The following RECQL variants were observed in gnomAD, a reference collection of about 807,000 sequenced individuals.
RECQL encodes the protein RecQ like helicase, also known as ATP-dependent DNA helicase Q1.
Under a neutral mutation model 75.8 loss-of-function variants are expected in RECQL, and 73 were observed. The ratio of observed to expected loss-of-function variants is 0.96; its 90% CI spans 0.80 to 1.17. The LOEUF (loss-of-function observed/expected upper bound fraction) is 1.17, where lower values mean the gene tolerates loss of function less well. RECQL is among the 50% of genes most tolerant of loss of function. The pLI is 0.00. For synonymous variants in RECQL, 248 were observed against 254.4 expected (o/e 0.97, Z 0.24); for missense variants, 699 against 772.1 (o/e 0.91, Z 1.12).
chr12:21,476,761 G>C, intron 8 of RECQL, 150 bp downstream of exon 8: 1 of 482,586 alleles, frequency 2.1e-6, no homozygotes, highest in South Asian at 4.3e-5. Context: ...AAGATCAAGT[G>C]AATTAATTTT....
chr12:21,483,333 C>T (rs1180887879), intron 6 of RECQL, 43 bp downstream of exon 6: 9 of 1,302,982 alleles, frequency 6.9e-6, no homozygotes, highest in East Asian at 2.4e-5. Context: ...AGTAAGGACA[C>T]GGTCTATGAC....
In RECQL at chr12:21,484,913, A is replaced by G. The variant is rs187006090; in HGVS notation, c.502-1339T>C. ...TTTCTGAAAACTCATAAAGAAAGGG[A>G]AAAAAAAATCAAGCATTTTCATCAT... On this transcript the variant is annotated intron_variant, in intron 5 of 14. Coordinates refer to ENST00000444129, the MANE Select transcript of RECQL (RefSeq NM_002907.4). 3.8e-3 allele frequency among the ~76,000 whole-genome samples: 575 copies of G among 151,642 alleles called. 9 individuals carry two copies. Among genetic ancestry groups the G allele is most frequent in the African/African-American group, 0.012 (506 of 41,358 alleles).
chr12:21,477,734 T>C (rs1483398301), intron 7 of RECQL, 69 bp downstream of exon 7: 2 of 1,306,208 alleles, frequency 1.5e-6, no homozygotes, highest in Non-Finnish European at 2.1e-6. Flanking sequence ...TAAATAAACA[T>C]AATAAAAAGG....
In RECQL at chr12:21,476,154, G is replaced by A. The variant is rs570972952; in HGVS notation, c.950-330C>T. Among the ~76,000 whole-genome samples, 8 of 152,122 alleles carry A rather than the reference G, an allele frequency of 5.3e-5. No individual in the cohort carries two copies. In the South Asian group the frequency reaches 1.7e-3, roughly 32 times the overall value. On this transcript the variant is annotated intron_variant, in intron 8 of 14. Coordinates refer to ENST00000444129, the MANE Select transcript of RECQL (RefSeq NM_002907.4). Reference sequence around the variant, plus strand: ...TGTGCTATGAATGCAGTGTTCTCCAGATTAATTTTGGGTTAATTTAGATTA... The same window carrying A: ...TGTGCTATGAATGCAGTGTTCTCCAAATTAATTTTGGGTTAATTTAGATTA...
rs2137374659 is a variant in RECQL, at chr12:21,483,528, T to G, written c.548A>C (p.Glu183Ala). Reference protein sequence around the residue: ...VHAEMVNKNSELKLIYVTPEK... With the variant: ...VHAEMVNKNSALKLIYVTPEK... ...TGGAGTCACATAAATCAGCTTTAAC[T>G]CGGAGTTTTTATTTACCATTTCAGC... The change falls in exon 6 of 15, where the codon GAG becomes GCG. Residue 183 changes from glutamate to alanine, a missense_variant. By Grantham distance (107) the Glu-to-Ala change is moderately radical. Coordinates refer to ENST00000444129, the MANE Select transcript of RECQL (RefSeq NM_002907.4). 14 of 1,580,704 alleles carry G rather than the reference T, an allele frequency of 8.9e-6. No homozygotes were observed. The highest frequency in any genetic ancestry group is 1.2e-5 in the Non-Finnish European group (14 of 1,171,024).
chr12:21,480,279 T>C (rs558972887), intron 6 of RECQL, among the ~76,000 whole-genome samples: 3 of 152,162 alleles, frequency 2.0e-5, no homozygotes, highest in African/African-American at 7.2e-5. Context: ...TGATTTGATG[T>C]GTATTTAGAA....
rs568168962 is a variant in RECQL, at chr12:21,474,778, C to T, written c.1355+63G>A. On this transcript the variant is annotated intron_variant, in intron 11 of 14. Coordinates refer to ENST00000444129, the MANE Select transcript of RECQL (RefSeq NM_002907.4). Reference sequence around the variant, plus strand: ...AATGTATTTAGTAAGAACTTAAAAACGATGTCATATACTTTCATATTTGCT... The same window carrying T: ...AATGTATTTAGTAAGAACTTAAAAATGATGTCATATACTTTCATATTTGCT... 875 of 1,499,844 alleles carry T rather than the reference C, an allele frequency of 5.8e-4. 4 individuals are homozygous for T. Among genetic ancestry groups the T allele is most frequent in the South Asian group, 4.6e-3 (397 of 86,958 alleles). 92.9% of individuals were successfully genotyped at this position (1,499,844 alleles called of 1,614,324 possible). A position where few individuals can be genotyped will look rare whatever the true frequency, so the allele number is the denominator to read the frequency against.
At chr12:21,484,448 A>G (rs1186876611) in intron 5 of RECQL, among the ~76,000 whole-genome samples, 1 of 152,210 alleles carries the variant, frequency 6.6e-6, no homozygotes, top group Non-Finnish European at 1.5e-5. Context: ...TTAAGAAAGT[A>G]CATTATTAGA....
At chr12:21,480,258 G>A (rs990756410) in intron 6 of RECQL, among the ~76,000 whole-genome samples, 3 of 152,152 alleles carry the variant, frequency 2.0e-5, no homozygotes, top group African/African-American at 7.2e-5. Flanking sequence ...AGTTTAGGTA[G>A]GGAAGTAACA....
At chr12:21,487,845 A>G (rs2137394904) in intron 4 of RECQL, among the ~76,000 whole-genome samples, 1 of 151,964 alleles carries the variant, frequency 6.6e-6, no homozygotes, top group East Asian at 1.9e-4. Flanking sequence ...GGTGCCATCT[A>G]TGAGAAACAC....
At position 21,495,678 on chromosome 12, in the gene RECQL, A is replaced by G. The variant is rs572170188; in HGVS notation, c.16+3877T>C. Among the ~76,000 whole-genome samples, 10 of 152,348 alleles carry G rather than the reference A, an allele frequency of 6.6e-5. No homozygotes were observed. The East Asian group carries it at 1.9e-3, about 29-fold the overall frequency. ...AACTGATGCTAATTCTTAGAAAACC[A>G]AAATGCCATGGTGATCCACCAGTCA... On this transcript the variant is annotated intron_variant, in intron 2 of 14. Coordinates refer to ENST00000444129, the MANE Select transcript of RECQL (RefSeq NM_002907.4).
intron 8 of RECQL, 108 bp downstream of exon 8, chr12:21,476,803 A>G: frequency 1.8e-6 from 1 of 553,746 alleles, no homozygotes; most frequent in Non-Finnish European, 3.0e-6. Context: ...TCTGCTATAC[A>G]TTAATTTTTT....
intron 6 of RECQL, among the ~76,000 whole-genome samples, chr12:21,479,360 T>A (rs1943148987): frequency 6.6e-6 from 1 of 150,380 alleles, no homozygotes. Context: ...ATTTTTTTTT[T>A]TTTTTTTTTT....
chr12:21,499,779 A>C (rs374742441), intron 1 of RECQL, among the ~76,000 whole-genome samples, 164 bp from the exon 2 acceptor site: 5 of 152,204 alleles, frequency 3.3e-5, no homozygotes, highest in East Asian at 1.9e-4. Flanking sequence ...TTTTGACACT[A>C]ATTTTTTATG....
chr12:21,477,048 G>T, intron 7 of RECQL, 56 bp from the exon 8 acceptor site: 1 of 1,238,344 alleles, frequency 8.1e-7, no homozygotes, highest in Non-Finnish European at 1.1e-6. Flanking sequence ...CCAAGTGGCT[G>T]TCTATGTACA....
At chr12:21,500,779 G>A (rs1223245465) in intron 1 of RECQL, among the ~76,000 whole-genome samples, 1 of 152,034 alleles carries the variant, frequency 6.6e-6, no homozygotes, top group Middle Eastern at 3.2e-3. Context: ...AAGGTAGCAG[G>A]GGCTGTTTCT....
At chr12:21,475,235 A>G (rs946134349) in intron 10 of RECQL, among the ~76,000 whole-genome samples, 1 of 152,106 alleles carries the variant, frequency 6.6e-6, no homozygotes, top group Non-Finnish European at 1.5e-5. Flanking sequence ...TTAAAAATTC[A>G]GGAGGCAAAG....
At chr12:21,484,450 A>T (rs1486070189) in intron 5 of RECQL, among the ~76,000 whole-genome samples, 1 of 152,194 alleles carries the variant, frequency 6.6e-6, no homozygotes, top group Non-Finnish European at 1.5e-5. Flanking sequence ...AAGAAAGTAC[A>T]TTATTAGAAG....
rs77514158 is a variant in RECQL at position 21,474,248 on chromosome 12, T to C, written c.1355+593A>G. 4.0e-3 allele frequency among the ~76,000 whole-genome samples: 602 copies of C among 152,192 alleles called. 2 individuals are homozygous for C. The highest frequency in any genetic ancestry group is 7.1e-3 in the Admixed American group (108 of 15,238). The stretch of plus-strand genomic sequence containing the variant: ...TTTTCATTTTCTCATTTCTTTTAAC[T>C]AGATTATTGTAGTATCTATTGGAAA... On this transcript the variant is annotated intron_variant, in intron 11 of 14. Coordinates refer to ENST00000444129, the MANE Select transcript of RECQL (RefSeq NM_002907.4).
Sources: allele counts gnomAD v4.1 joint callset (sites outside exome capture counted in the v4.1 genomes callset), GRCh38; gene constraint gnomAD v4.1.1; transcripts MANE v1.5; gene names NCBI Gene and HGNC (gene_info 2026-07-23, HGNC 2026-07-21).